Variants in AGO3 observed in about 807,000 individuals in gnomAD.
The protein encoded by AGO3 is argonaute RISC catalytic component 3, also known as protein argonaute-3.
In AGO3, 16 loss-of-function variants were observed where a neutral mutation model predicts 105.5. The observed-to-expected ratio is 0.15, with a 90% CI of 0.10 to 0.23. AGO3 has a LOEUF of 0.23. AGO3 is among the 10% of genes least tolerant of loss of function. AGO3 has a pLI of 1.00. For missense variants in AGO3, 534 were observed against 1,088.0 expected, an observed-to-expected ratio of 0.49 and a Z score of 7.16; for synonymous variants, 340 against 367.3, an observed-to-expected ratio of 0.93 and a Z score of 0.85.
At position 36,066,656 on chromosome 1, in the gene AGO3, A is replaced by C. The variant is rs1042594030; in HGVS notation, c.*10911A>C. On this transcript the variant is annotated 3_prime_UTR_variant, in exon 19 of 19. Coordinates refer to ENST00000373191, the MANE Select transcript of AGO3 (RefSeq NM_024852.4). ...TATTTCATTTTTGGTTGGGAAAACA[A>C]ACAAAAATCTCTTAAGTTAGTCCTT... The C allele has an allele frequency of 1.3e-5, 2 of 152,240 alleles. No homozygotes were observed. Among genetic ancestry groups the C allele is most frequent in the African/African-American group, 4.8e-5 (2 of 41,458 alleles). 9.4% of individuals were successfully genotyped at this position (152,240 alleles called of 1,614,324 possible). A position where few individuals can be genotyped will look rare whatever the true frequency, so the allele number is the denominator to read the frequency against.
In AGO3 at chr1:35,933,640, C is replaced by CAAA. The variant is rs34254758; in HGVS notation, c.19+2225_19+2227dup. On this transcript the variant is annotated intron_variant, in intron 1 of 18. Transcript: ENST00000373191. ...TGGGTGACGGAGCAAGACCCTGTCT[C>CAAA]AAAAAAAAAAAAAAAAAAAAAAAAA... is the stretch of plus-strand genomic sequence containing the variant. Among the ~76,000 whole-genome samples the CAAA allele has an allele frequency of 7.5e-3, 235 of 31,196 alleles. 4 individuals are homozygous for CAAA. The highest frequency in any genetic ancestry group is 0.01 in the Non-Finnish European group (142 of 13,946). The allele number at this position is 31,196 out of a possible 152,430, so 20.5% of individuals were successfully genotyped here.
At chr1:35,941,233 C>T (rs1646247811) in intron 1 of AGO3, among the ~76,000 whole-genome samples, 1 of 152,074 alleles carries the variant, frequency 6.6e-6, no homozygotes. Context: ...TTAACAATTC[C>T]TGTCAGGCCT....
intron 5 of AGO3, among the ~76,000 whole-genome samples, chr1:35,994,112 GT>G (rs1648023039): frequency 7.7e-6 from 1 of 130,448 alleles, no homozygotes; most frequent in Non-Finnish European, 1.5e-5. Context: ...ATGCAGTAGT[GT>G]GATCATGGCT....
chr1:36,023,547 C>A (rs1641346259), intron 11 of AGO3, among the ~76,000 whole-genome samples: 1 of 152,176 alleles, frequency 6.6e-6, no homozygotes, highest in East Asian at 1.9e-4. Context: ...AACTGAAGTA[C>A]AGAAACAGCT....
chr1:35,960,035 A>G (rs920423993), intron 2 of AGO3, among the ~76,000 whole-genome samples: 5 of 152,252 alleles, frequency 3.3e-5, no homozygotes, highest in South Asian at 4.1e-4. Context: ...TTAGTGACAG[A>G]ATGGGACTAA....
chr1:35,961,048 A>T (rs979120111), intron 2 of AGO3, among the ~76,000 whole-genome samples: 1 of 149,988 alleles, frequency 6.7e-6, no homozygotes, highest in African/African-American at 2.5e-5. Context: ...GGTTCACACC[A>T]TTCTCCTGCC....
chr1:36,016,906 T>C (rs546900218), intron 11 of AGO3, among the ~76,000 whole-genome samples: 64 of 152,290 alleles, frequency 4.2e-4, no homozygotes, highest in African/African-American at 1.5e-3. Flanking sequence ...GCCTCATGCA[T>C]GAGCTTAGTC....
At chr1:36,039,746 T>G (rs754578917) in intron 14 of AGO3, 44 bp from the exon 15 acceptor site, 1 of 1,169,964 alleles carries the variant, frequency 8.5e-7, no homozygotes, top group Admixed American at 3.6e-5. Flanking sequence ...GATTATCATT[T>G]ATTTTTATTT....
At chr1:36,030,184 TAA>T (rs145415206) in intron 12 of AGO3, among the ~76,000 whole-genome samples, 20 of 152,116 alleles carry the variant, frequency 1.3e-4, no homozygotes, top group Non-Finnish European at 2.2e-4. Context: ...AAATATATGA[TAA>T]GTTTGTTTTT....
At chr1:36,015,276 G>C (rs1640846233) in intron 11 of AGO3, among the ~76,000 whole-genome samples, 1 of 152,162 alleles carries the variant, frequency 6.6e-6, no homozygotes, top group African/African-American at 2.4e-5. Flanking sequence ...ATATCCATAG[G>C]GTGAGGTATG....
At chr1:35,978,940 A>G (rs1647000872) in intron 5 of AGO3, among the ~76,000 whole-genome samples, 1 of 151,886 alleles carries the variant, frequency 6.6e-6, no homozygotes, top group African/African-American at 2.4e-5. Flanking sequence ...TTTTCTAGAA[A>G]CTCCACAAAT....
chr1:35,948,935 T>G (rs1380490736), intron 2 of AGO3, among the ~76,000 whole-genome samples: 1 of 151,776 alleles, frequency 6.6e-6, no homozygotes, highest in East Asian at 1.9e-4. Flanking sequence ...ATTTATTTTA[T>G]TATTATTTTA....
rs978182482 is a variant in AGO3 at position 36,060,993 on chromosome 1, A to G, written c.*5248A>G. On this transcript the variant is annotated 3_prime_UTR_variant, in exon 19 of 19. Transcript: ENST00000373191. The stretch of plus-strand genomic sequence containing the variant: ...CATAGAAAAGCACTTTTGTGATTCT[A>G]TAGGAGTCAAAAAATCAGCCAAGAG... The G allele has an allele frequency of 1.8e-4, 28 of 152,190 alleles. No homozygotes were observed. Among genetic ancestry groups the G allele is most frequent in the Non-Finnish European group, 2.8e-4 (19 of 68,024 alleles). The allele number at this position is 152,190 out of a possible 1,614,324, so 9.4% of individuals were successfully genotyped here.
chr1:36,010,996 T>C (rs949626766), intron 9 of AGO3, among the ~76,000 whole-genome samples: 1 of 151,600 alleles, frequency 6.6e-6, no homozygotes, highest in African/African-American at 2.4e-5. Flanking sequence ...AAATAGAAGA[T>C]AGCTTTAACC....
chr1:35,954,350 A>C (rs1402045735), intron 2 of AGO3, among the ~76,000 whole-genome samples: 1 of 152,204 alleles, frequency 6.6e-6, no homozygotes, highest in East Asian at 1.9e-4. Flanking sequence ...ATAAATTAAC[A>C]AATATTTACA....
intron 2 of AGO3, among the ~76,000 whole-genome samples, chr1:35,958,788 T>C (rs1296398930): frequency 1.3e-5 from 2 of 152,256 alleles, no homozygotes; most frequent in African/African-American, 2.4e-5. Flanking sequence ...AAAGATAAGT[T>C]AGAGATTGGA....
rs1395627865 is a variant in AGO3, at chr1:36,055,476, G to T, written c.2475-161G>T. On this transcript the variant is annotated intron_variant, in intron 18 of 18. Transcript: ENST00000373191. The surrounding 1 kb of genome is among the most constrained non-coding windows in gnomAD (Gnocchi z 4.4). ...AGAGAAGTAAAACAAAATTGGCCTT[G>T]AGTTAATAGTGATTGAAGCTGAGTG... Among the ~76,000 whole-genome samples the T allele has an allele frequency of 1.3e-5, 2 of 152,180 alleles. No homozygotes were observed. Among genetic ancestry groups the T allele is most frequent in the African/African-American group, 4.8e-5 (2 of 41,444 alleles).
At chr1:35,941,667 G>A (rs889055784) in intron 1 of AGO3, among the ~76,000 whole-genome samples, 1 of 152,070 alleles carries the variant, frequency 6.6e-6, no homozygotes, top group African/African-American at 2.4e-5. Context: ...TTATAGGGTT[G>A]GTATGAAGAT....
At position 35,999,948 on chromosome 1, in the gene AGO3, T is replaced by C. The variant is rs183932052; in HGVS notation, c.659-4393T>C. On this transcript the variant is annotated intron_variant, in intron 5 of 18. Coordinates refer to ENST00000373191, the MANE Select transcript of AGO3 (RefSeq NM_024852.4). ...TTTTTATGTATCTGCCAGGTTGTAATACCATAGAGTTTTGGTAAATAACTT... is the reference window on the plus strand; with the variant it reads ...TTTTTATGTATCTGCCAGGTTGTAACACCATAGAGTTTTGGTAAATAACTT... Among the ~76,000 whole-genome samples, 348 of 152,212 alleles carry C rather than the reference T, an allele frequency of 2.3e-3. 2 individuals are homozygous for C. Among genetic ancestry groups the C allele is most frequent in the African/African-American group, 7.9e-3 (327 of 41,542 alleles).
Sources: allele counts gnomAD v4.1 joint callset (sites outside exome capture counted in the v4.1 genomes callset), GRCh38; gene constraint gnomAD v4.1.1; non-coding constraint Gnocchi (gnomAD v3.1); transcripts MANE v1.5; gene names NCBI Gene and HGNC (gene_info 2026-07-23, HGNC 2026-07-21).